ADGRG6: variants seen among roughly 807,000 people sequenced by gnomAD.
ADGRG6 encodes adhesion G protein-coupled receptor G6, also known as G-protein coupled receptor 126.
ADGRG6 carries 84 observed loss-of-function variants against 142.4 expected under a neutral mutation model. The ratio of observed to expected loss-of-function variants is 0.59; its 90% CI spans 0.49 to 0.71. The LOEUF (loss-of-function observed/expected upper bound fraction) is 0.71. Among genes scored for constraint, ADGRG6 ranks in the 30% least tolerant of loss-of-function variants. The pLI, the probability that ADGRG6 is intolerant of heterozygous loss-of-function variation, is 0.00. For synonymous variants in ADGRG6, 521 were observed against 520.5 expected (o/e 1.00, Z -0.01); for missense variants, 1,367 against 1,466.6 (o/e 0.93, Z 1.11).
Position 142,309,614 on chromosome 6 carries a change from G to A in ADGRG6, c.73G>A (p.Ala25Thr). The A allele has an allele frequency of 6.2e-7, 1 of 1,605,346 alleles. No individual in the cohort carries two copies. Among genetic ancestry groups the A allele is most frequent in the South Asian group, 1.1e-5 (1 of 89,558 alleles). ...GCCCAGTCCTCTCCTGTTCTTATTT[G>A]CTTTATATATCATGTGTGTTCCTCA... ...WKPSPLLFLF[A>T]LYIMCVPHSV... Residue 25 changes from alanine (A) to threonine (T), a missense_variant, in exon 2 of 25, where the codon GCT becomes ACT. Ala to Thr is a moderately conservative substitution (Grantham distance 58, BLOSUM62 0). Transcript: ENST00000367609.
At chr6:142,426,984 T>G (rs139745007) in intron 22 of ADGRG6, among the ~76,000 whole-genome samples, 481 of 152,180 alleles carry the variant, frequency 3.2e-3, no homozygotes, top group African/African-American at 0.011. Context: ...ATGAAACCAC[T>G]TTTTCCTCCT....
intron 22 of ADGRG6, among the ~76,000 whole-genome samples, chr6:142,434,284 T>C (rs1777367723): frequency 6.6e-6 from 1 of 151,822 alleles, no homozygotes; most frequent in Non-Finnish European, 1.5e-5. Context: ...TTGCATGCCT[T>C]ATTCATACCT....
intron 2 of ADGRG6, among the ~76,000 whole-genome samples, chr6:142,321,027 C>G (rs1162416269): frequency 2.6e-5 from 4 of 151,066 alleles, no homozygotes; most frequent in Admixed American, 1.3e-4. Flanking sequence ...CAAATATCCA[C>G]CAAGAAAGAA....
At chr6:142,417,886 A>G (rs1776444986) in intron 21 of ADGRG6, among the ~76,000 whole-genome samples, 3 of 152,280 alleles carry the variant, frequency 2.0e-5, no homozygotes, top group South Asian at 4.1e-4. Context: ...TTATTAGTCC[A>G]CCATGGGTAC....
In ADGRG6 at chr6:142,326,593, A is replaced by G. The variant is rs373834109; in HGVS notation, c.103+16949A>G. Among the ~76,000 whole-genome samples the G allele has an allele frequency of 1.4e-4, 22 of 152,086 alleles. No homozygotes were observed. The South Asian group carries it at 4.6e-3, about 32-fold the overall frequency. On this transcript the variant is annotated intron_variant, in intron 2 of 24. Transcript: ENST00000367609. ...TGAATACCAACTCCTTGTACAGAAC[A>G]GAGTTTTGTTCTTATGTACCCCTTG... is the stretch of plus-strand genomic sequence containing the variant.
chr6:142,423,519 A>G (rs919474990), intron 22 of ADGRG6, among the ~76,000 whole-genome samples: 2 of 150,222 alleles, frequency 1.3e-5, no homozygotes, highest in African/African-American at 4.9e-5. Flanking sequence ...GTTCTGTTCC[A>G]TTGATCTAGA....
At chr6:142,398,744 C>G (rs78138911) in intron 10 of ADGRG6, among the ~76,000 whole-genome samples, 74 of 152,230 alleles carry the variant, frequency 4.9e-4, no homozygotes, top group African/African-American at 1.6e-3. Flanking sequence ...GGAACCTTTT[C>G]TGAAATAAAG....
At chr6:142,322,528 G>T (rs1778567774) in intron 2 of ADGRG6, among the ~76,000 whole-genome samples, 2 of 152,012 alleles carry the variant, frequency 1.3e-5, no homozygotes, top group South Asian at 4.2e-4. Flanking sequence ...CAAAAGTTTG[G>T]GTTATTCTAC....
intron 1 of ADGRG6, among the ~76,000 whole-genome samples, chr6:142,305,431 C>T (rs1395052761): frequency 9.3e-5 from 6 of 64,512 alleles, no homozygotes; most frequent in South Asian, 8.6e-4. Context: ...CCCTCCTGTA[C>T]ACACACACAC....
At chr6:142,326,630 T>C (rs1210130278) in intron 2 of ADGRG6, among the ~76,000 whole-genome samples, 4 of 152,082 alleles carry the variant, frequency 2.6e-5, no homozygotes, top group African/African-American at 9.7e-5. Context: ...CTGTTCATTG[T>C]TCTTTTAAAT....
At chr6:142,327,078 C>A (rs1054892361) in intron 2 of ADGRG6, among the ~76,000 whole-genome samples, 2 of 151,994 alleles carry the variant, frequency 1.3e-5, no homozygotes, top group African/African-American at 2.4e-5. Context: ...TTCCATCTTG[C>A]TCCAGTACTT....
chr6:142,384,103 G>A (rs1034851435), intron 6 of ADGRG6, among the ~76,000 whole-genome samples: 3 of 151,964 alleles, frequency 2.0e-5, no homozygotes, highest in African/African-American at 7.2e-5. Flanking sequence ...GAAGTTTTAG[G>A]GGAAAGGCAT....
At chr6:142,303,453 T>G (rs916059658) in intron 1 of ADGRG6, among the ~76,000 whole-genome samples, 9 of 152,242 alleles carry the variant, frequency 5.9e-5, no homozygotes, top group Admixed American at 5.9e-4. Flanking sequence ...TGTAACTCTG[T>G]TCCAGGTACT....
At chr6:142,422,760 A>G in intron 22 of ADGRG6, among the ~76,000 whole-genome samples, 2 of 147,184 alleles carry the variant, frequency 1.4e-5, no homozygotes, top group African/African-American at 5.1e-5. Flanking sequence ...ACAGTGGTTG[A>G]ACTAGTTTAC....
intron 22 of ADGRG6, among the ~76,000 whole-genome samples, chr6:142,435,969 A>C (rs1777466791): frequency 6.6e-6 from 1 of 152,144 alleles, no homozygotes; most frequent in South Asian, 2.1e-4. Flanking sequence ...TGAGCTGGAC[A>C]CATTGAGAAT....
rs1319979035 is a variant in ADGRG6 at position 142,397,652 on chromosome 6, C to G, written c.1464C>G (p.Asn488Lys). 17 of 1,608,232 alleles carry G rather than the reference C, an allele frequency of 1.1e-5. No individual in the cohort carries two copies. The highest frequency in any genetic ancestry group is 3.4e-5 in the Admixed American group (2 of 59,330). Residue 488 changes from asparagine to lysine, a missense_variant, in exon 10 of 25, where the codon AAC becomes AAG. Around this residue, in one of 3 missense-constraint regions of ADGRG6, gnomAD observed 737 missense variants for 746.5 expected, o/e 0.99. Coordinates refer to ENST00000367609, the MANE Select transcript of ADGRG6 (RefSeq NM_198569.3). ...CCCTTCTAGTTTACAATGCTACCAA[C>G]AATACTAATTTGGAAGGAAAAATCA... ...LWALLVYNAT[N>K]NTNLEGKIIQ...
chr6:142,322,821 T>A (rs1403466855), intron 2 of ADGRG6, among the ~76,000 whole-genome samples: 1 of 152,134 alleles, frequency 6.6e-6, no homozygotes, highest in Non-Finnish European at 1.5e-5. Flanking sequence ...TATAAAGTGA[T>A]TTGTCCTCAT....
At chr6:142,360,592 CTG>C (rs1780664483) in intron 2 of ADGRG6, among the ~76,000 whole-genome samples, 1 of 149,316 alleles carries the variant, frequency 6.7e-6, no homozygotes, top group Non-Finnish European at 1.5e-5. Flanking sequence ...TAAAGCACCT[CTG>C]TTTCTCAAAA....
intron 2 of ADGRG6, among the ~76,000 whole-genome samples, chr6:142,355,573 G>A (rs1780403671): frequency 6.6e-6 from 1 of 152,198 alleles, no homozygotes; most frequent in Admixed American, 6.5e-5. Flanking sequence ...GACAAATGCA[G>A]CTGAGCACAC....
Sources: allele counts gnomAD v4.1 joint callset (sites outside exome capture counted in the v4.1 genomes callset), GRCh38; gene constraint gnomAD v4.1.1; regional missense constraint gnomAD v4.1.1; transcripts MANE v1.5; gene names NCBI Gene and HGNC (gene_info 2026-07-23, HGNC 2026-07-21).